YIPF4: variants seen among roughly 807,000 people sequenced by gnomAD.
YIPF4 encodes Yip1 domain family member 4.
In YIPF4, 18 loss-of-function variants were observed where a neutral mutation model predicts 29.4. The ratio of observed to expected loss-of-function variants is 0.61; its 90% confidence interval spans 0.42 to 0.91. The LOEUF is 0.91. Among genes scored for constraint, YIPF4 ranks in the 40% least tolerant of loss-of-function variants. The pLI is 0.00. For missense variants in YIPF4, 279 were observed against 282.7 expected (o/e 0.99, Z 0.09); for synonymous variants, 115 against 104.7 (o/e 1.10, Z -0.60).
At chr2:32,288,264 G>A (rs1448538617) in intron 1 of YIPF4, among the ~76,000 whole-genome samples, 3 of 152,130 alleles carry the variant, frequency 2.0e-5, no homozygotes, top group African/African-American at 2.4e-5. Flanking sequence ...TTTGTAAGCT[G>A]AAGATGCCTT....
chr2:32,279,471 C>T (rs1422412137), intron 1 of YIPF4, among the ~76,000 whole-genome samples: 1 of 143,454 alleles, frequency 7.0e-6, no homozygotes, highest in East Asian at 2.1e-4. Flanking sequence ...CATCTCGGCT[C>T]ACTGCGAGCT....
intron 1 of YIPF4, among the ~76,000 whole-genome samples, chr2:32,279,701 G>A (rs1048832515): frequency 2.6e-5 from 4 of 151,332 alleles, no homozygotes; most frequent in Admixed American, 6.6e-5. Context: ...GAGCCACCGC[G>A]CCCGGCCGAA....
At position 32,296,956 on chromosome 2, in the gene YIPF4, C is replaced by T. The variant is rs145244526; in HGVS notation, c.406-1278C>T. On this transcript the variant is annotated intron_variant, in intron 3 of 5. Coordinates refer to ENST00000238831, the MANE Select transcript of YIPF4 (RefSeq NM_032312.4). ...CCAGTACTGTCATAATTTATTTCATCGCTCAGATTTTTCAAGCTTTAACCA... is the reference window on the plus strand; with the variant it reads ...CCAGTACTGTCATAATTTATTTCATTGCTCAGATTTTTCAAGCTTTAACCA... 1.7e-4 allele frequency among the ~76,000 whole-genome samples: 26 copies of T among 152,158 alleles called. No individual in the cohort carries two copies. The South Asian group carries it at 3.5e-3, about 21-fold the overall frequency.
intron 1 of YIPF4, among the ~76,000 whole-genome samples, chr2:32,281,969 C>G (rs574021194): frequency 6.7e-6 from 1 of 150,170 alleles, no homozygotes; most frequent in Non-Finnish European, 1.5e-5. Flanking sequence ...GTCAGCTACT[C>G]TGAGTCTCAC....
At chr2:32,301,777 C>T (rs543921326) in intron 5 of YIPF4, among the ~76,000 whole-genome samples, 1 of 152,338 alleles carries the variant, frequency 6.6e-6, no homozygotes, top group Non-Finnish European at 1.5e-5. Flanking sequence ...CTCGATCTGT[C>T]ACCAAGGCTG....
In YIPF4 at chr2:32,305,524, T is replaced by C. The variant is rs1243134272; in HGVS notation, c.633T>C (p.Ala211=). Residue 211 remains alanine, a synonymous_variant, in exon 6 of 6, where the codon GCT becomes GCC. Coordinates refer to ENST00000238831, the MANE Select transcript of YIPF4 (RefSeq NM_032312.4). ...TGTTTTGGGCTGCCTACAGTGCTGCTTCATTGTTAGTGGGTGAAGAATTCA... is the reference window on the plus strand; with the variant it reads ...TGTTTTGGGCTGCCTACAGTGCTGCCTCATTGTTAGTGGGTGAAGAATTCA... The part of the protein sequence containing the change: ...FGVFWAAYSA[A]SLLVGEEFKT... 6.2e-7 allele frequency: 1 copy of C among 1,610,802 alleles called. No homozygotes were observed.
chr2:32,303,557 C>T (rs576592229), intron 5 of YIPF4, among the ~76,000 whole-genome samples: 5 of 152,214 alleles, frequency 3.3e-5, no homozygotes, highest in African/African-American at 1.2e-4. Context: ...TGGTGGCATG[C>T]ACCTGTTAGT....
In YIPF4 at chr2:32,309,520, G is replaced by C. The variant is rs1335297493; in HGVS notation, c.*3894G>C. ...TTGTTTAAATATTGTTTAAAATTTA[G>C]TCATTTAAAAATTTTGTGATGTAAC... is the stretch of plus-strand genomic sequence containing the variant. On this transcript the variant is annotated 3_prime_UTR_variant, in exon 6 of 6. Coordinates refer to ENST00000238831, the MANE Select transcript of YIPF4 (RefSeq NM_032312.4). 6.6e-6 allele frequency: 1 copy of C among 152,040 alleles called. No homozygotes were observed. Among genetic ancestry groups the C allele is most frequent in the Non-Finnish European group, 1.5e-5 (1 of 67,998 alleles). The allele number at this position is 152,040 out of a possible 1,614,324, so 9.4% of individuals were successfully genotyped here.
Position 32,316,074 on chromosome 2 carries a change from C to A in YIPF4, c.*10448C>A, listed in dbSNP as rs554331226. 1.4e-5 allele frequency: 2 copies of A among 145,368 alleles called. No homozygotes were observed. The highest frequency in any genetic ancestry group is 2.5e-5 in the African/African-American group (1 of 39,228). The allele number at this position is 145,368 out of a possible 1,614,324, so 9.0% of individuals were successfully genotyped here. A position where few individuals can be genotyped will look rare whatever the true frequency, so the allele number is the denominator to read the frequency against. The stretch of plus-strand genomic sequence containing the variant: ...AAAAAAAAAGTATAAAGCACAGAAG[C>A]GAAAGGAAAAGTGATGAAGACACTT... On this transcript the variant is annotated 3_prime_UTR_variant, in exon 6 of 6. Coordinates refer to ENST00000238831, the MANE Select transcript of YIPF4 (RefSeq NM_032312.4).
At position 32,279,374 on chromosome 2, in the gene YIPF4, G is replaced by C. The variant is rs185172617; in HGVS notation, c.79+1140G>C. ...ATTATGTTTACAGAAATTTCAGTCT[G>C]AGAAAGAACCTAGATTTTCCTTTTT... is the stretch of plus-strand genomic sequence containing the variant. On this transcript the variant is annotated intron_variant, in intron 1 of 5. Transcript: ENST00000238831. Among the ~76,000 whole-genome samples the C allele has an allele frequency of 2.0e-5, 3 of 148,628 alleles. No homozygotes were observed. In the East Asian group the frequency reaches 6.1e-4, roughly 30 times the overall value.
At chr2:32,304,265 T>C (rs1446363503) in intron 5 of YIPF4, among the ~76,000 whole-genome samples, 1 of 152,196 alleles carries the variant, frequency 6.6e-6, no homozygotes, top group Non-Finnish European at 1.5e-5. Context: ...GCAGTGATTT[T>C]ATTTAACATT....
chr2:32,279,223 G>A (rs946074403), intron 1 of YIPF4, among the ~76,000 whole-genome samples: 1 of 151,656 alleles, frequency 6.6e-6, no homozygotes, highest in African/African-American at 2.4e-5. Context: ...CGCCCGCCTC[G>A]GCCTCCCAAA....
chr2:32,307,606 G>A lies in YIPF4; in HGVS notation c.*1980G>A, dbSNP rs1453701612. The A allele has an allele frequency of 6.5e-6, 1 of 152,968 alleles. No individual in the cohort carries two copies. The highest frequency in any genetic ancestry group is 1.5e-5 in the Non-Finnish European group (1 of 68,720). 9.5% of individuals were successfully genotyped at this position (152,968 alleles called of 1,614,324 possible). ...TCATTTTCGTGTGCTAATGAGCAAA[G>A]TAGTTAGAACAGATTGTCAGTTTAA... On this transcript the variant is annotated 3_prime_UTR_variant, in exon 6 of 6. Coordinates refer to ENST00000238831, the MANE Select transcript of YIPF4 (RefSeq NM_032312.4).
At position 32,315,901 on chromosome 2, in the gene YIPF4, C is replaced by G. The variant is rs942835667; in HGVS notation, c.*10275C>G. On this transcript the variant is annotated 3_prime_UTR_variant, in exon 6 of 6. Transcript: ENST00000238831. ...TTAAATGAAACACAGAAGCCATGGC[C>G]AGGCACGGTGGCTCATGCCTGTAAT... The G allele has an allele frequency of 6.6e-6, 1 of 151,024 alleles. No individual in the cohort carries two copies. The highest frequency in any genetic ancestry group is 1.5e-5 in the Non-Finnish European group (1 of 67,764). 9.4% of individuals were successfully genotyped at this position (151,024 alleles called of 1,614,324 possible). A position where few individuals can be genotyped will look rare whatever the true frequency, so the allele number is the denominator to read the frequency against.
In YIPF4 at chr2:32,309,053, A is replaced by G. The variant is rs2031658037; in HGVS notation, c.*3427A>G. The G allele has an allele frequency of 6.6e-6, 1 of 151,806 alleles. No homozygotes were observed. The highest frequency in any genetic ancestry group is 2.4e-5 in the African/African-American group (1 of 41,318). The allele number at this position is 151,806 out of a possible 1,614,324, so 9.4% of individuals were successfully genotyped here. A position where few individuals can be genotyped will look rare whatever the true frequency, so the allele number is the denominator to read the frequency against. ...CTCAAAAAAAAAAAAAAAAAAAATCAAAATCTATATAATTAAGCATTGTTT... is the reference window on the plus strand; with the variant it reads ...CTCAAAAAAAAAAAAAAAAAAAATCGAAATCTATATAATTAAGCATTGTTT... On this transcript the variant is annotated 3_prime_UTR_variant, in exon 6 of 6. Coordinates refer to ENST00000238831, the MANE Select transcript of YIPF4 (RefSeq NM_032312.4).
intron 3 of YIPF4, among the ~76,000 whole-genome samples, chr2:32,294,641 C>T (rs1292968677): frequency 8.6e-5 from 13 of 151,452 alleles, no homozygotes; most frequent in African/African-American, 2.2e-4. Flanking sequence ...CAGGCAGAGA[C>T]GCTCCTCACT....
At chr2:32,291,813 T>C (rs965472788) in intron 2 of YIPF4, among the ~76,000 whole-genome samples, 11 of 152,186 alleles carry the variant, frequency 7.2e-5, no homozygotes, top group African/African-American at 1.4e-4. Flanking sequence ...GGTTCTCATA[T>C]GGGTTTGCAA....
At chr2:32,294,673 G>T (rs1186945410) in intron 3 of YIPF4, among the ~76,000 whole-genome samples, 1 of 152,214 alleles carries the variant, frequency 6.6e-6, no homozygotes, top group Non-Finnish European at 1.5e-5. Flanking sequence ...GTGGCGGCCG[G>T]GCAGAGGCTG....
In YIPF4 at chr2:32,278,050, G is replaced by C; in HGVS notation, c.-106G>C. 1.0e-6 allele frequency: 1 copy of C among 998,950 alleles called. No homozygotes were observed. The highest frequency in any genetic ancestry group is 1.7e-5 in the African/African-American group (1 of 58,398). The allele number at this position is 998,950 out of a possible 1,614,324, so 61.9% of individuals were successfully genotyped here. Reference sequence around the variant, plus strand: ...GCTCGCAGCTTGCACGTCGAGACTCGTAGGCCGCACCGTAGGGCGAGCGTG... The same window carrying C: ...GCTCGCAGCTTGCACGTCGAGACTCCTAGGCCGCACCGTAGGGCGAGCGTG... On this transcript the variant is annotated 5_prime_UTR_variant, in exon 1 of 6. Coordinates refer to ENST00000238831, the MANE Select transcript of YIPF4 (RefSeq NM_032312.4).
Sources: gnomAD v4.1 joint callset for allele counts (sites outside exome capture counted in the v4.1 genomes callset) on GRCh38, gnomAD v4.1.1 for gene constraint, MANE v1.5 for transcripts, NCBI Gene and HGNC (gene_info 2026-07-23, HGNC 2026-07-21) for gene names.